Variants in GPC5 observed in about 807,000 individuals in gnomAD.
GPC5 encodes the protein glypican-5.
In GPC5, 47 loss-of-function variants were observed where a neutral mutation model predicts 53.9. The ratio of observed to expected loss-of-function variants is 0.87; its 90% CI spans 0.69 to 1.11. GPC5 has a LOEUF of 1.11. GPC5 is among the 50% of genes most tolerant of loss of function. The probability of loss-of-function intolerance (pLI) is 0.00; values close to 1 mark genes in which losing one functional copy is unlikely to be tolerated. For missense variants in GPC5, 748 were observed against 713.1 expected (o/e 1.05, Z -0.56); for synonymous variants, 286 against 263.3 (o/e 1.09, Z -0.84).
At chr13:91,771,446 A>C (rs2037623488) in intron 5 of GPC5, among the ~76,000 whole-genome samples, 1 of 152,216 alleles carries the variant, frequency 6.6e-6, no homozygotes, top group Admixed American at 6.5e-5. Flanking sequence ...CATCTATTTC[A>C]TCCATGTAAA....
chr13:92,589,362 G>A (rs946743126), intron 7 of GPC5, among the ~76,000 whole-genome samples: 4 of 152,094 alleles, frequency 2.6e-5, no homozygotes, highest in Non-Finnish European at 4.4e-5. Flanking sequence ...ATAGTGCTGC[G>A]ATTTTCTACT....
rs74382862 is a variant in GPC5 at position 91,555,601 on chromosome 13, G to A, written c.325+106679G>A. Among the ~76,000 whole-genome samples, 801 of 151,970 alleles carry A rather than the reference G, an allele frequency of 5.3e-3. 15 individuals carry two copies. Among genetic ancestry groups the A allele is most frequent in the African/African-American group, 0.018 (767 of 41,486 alleles). ...GCCTCTTAGCTCCCTTGGCCTTTGCGGGTAGGTTTGCATAGACCAGCTGTA... is the reference window on the plus strand; with the variant it reads ...GCCTCTTAGCTCCCTTGGCCTTTGCAGGTAGGTTTGCATAGACCAGCTGTA... On this transcript the variant is annotated intron_variant, in intron 2 of 7. Coordinates refer to ENST00000377067, the MANE Select transcript of GPC5 (RefSeq NM_004466.6).
chr13:92,505,956 A>T (rs1880351142), intron 7 of GPC5, among the ~76,000 whole-genome samples: 1 of 152,142 alleles, frequency 6.6e-6, no homozygotes, highest in African/African-American at 2.4e-5. Flanking sequence ...AGGATGTAGG[A>T]GTGAGAAGTA....
chr13:91,819,608 T>A (rs887740592), intron 5 of GPC5, among the ~76,000 whole-genome samples: 4 of 152,240 alleles, frequency 2.6e-5, no homozygotes, highest in African/African-American at 9.6e-5. Flanking sequence ...TCATTTTAAT[T>A]GCTGAATATT....
rs528135167 is a variant in GPC5, at chr13:92,818,419, G to A, written c.1562-47863G>A. On this transcript the variant is annotated intron_variant, in intron 7 of 7. Transcript: ENST00000377067. Reference sequence around the variant, plus strand: ...TTAAAACTAAAAGCCTTTAATCTAAGTAAAAAGAGGATAAGAAACAATGCT... The same window carrying A: ...TTAAAACTAAAAGCCTTTAATCTAAATAAAAAGAGGATAAGAAACAATGCT... Among the ~76,000 whole-genome samples, 141 of 151,974 alleles carry A rather than the reference G, an allele frequency of 9.3e-4. 2 individuals carry two copies. Among genetic ancestry groups the A allele is most frequent in the African/African-American group, 3.3e-3 (136 of 41,340 alleles).
In GPC5 at chr13:91,598,969, A is replaced by G. The variant is rs545742577; in HGVS notation, c.326-94218A>G. ...CTACTAGTATAAAGTATATAGTTTC[A>G]GTTATTTTGAAAAAGAAGTTCTACA... is the stretch of plus-strand genomic sequence containing the variant. On this transcript the variant is annotated intron_variant, in intron 2 of 7. Coordinates refer to ENST00000377067, the MANE Select transcript of GPC5 (RefSeq NM_004466.6). Among the ~76,000 whole-genome samples the G allele has an allele frequency of 2.0e-5, 3 of 152,224 alleles. No homozygotes were observed. The South Asian group carries it at 6.2e-4, about 32-fold the overall frequency.
chr13:92,077,232 G>A (rs2041258996), intron 6 of GPC5, among the ~76,000 whole-genome samples: 1 of 152,194 alleles, frequency 6.6e-6, no homozygotes, highest in African/African-American at 2.4e-5. Context: ...GACCTCCTGA[G>A]GGCTGTGTCA....
chr13:91,904,169 G>A (rs2039529773), intron 5 of GPC5, among the ~76,000 whole-genome samples: 1 of 132,372 alleles, frequency 7.6e-6, no homozygotes, highest in Non-Finnish European at 1.6e-5. Flanking sequence ...TTTAAGGCAG[G>A]TCTTGCTCTG....
At chr13:92,819,043 G>C (rs1424540873) in intron 7 of GPC5, among the ~76,000 whole-genome samples, 1 of 151,924 alleles carries the variant, frequency 6.6e-6, no homozygotes, top group South Asian at 2.1e-4. Context: ...CGTATAGAAA[G>C]TACCAGTGTT....
At chr13:92,047,886 GAGGCTA>G (rs1755846351) in intron 6 of GPC5, among the ~76,000 whole-genome samples, 1 of 151,660 alleles carries the variant, frequency 6.6e-6, no homozygotes, top group South Asian at 2.1e-4. Context: ...AGCTTCTAGG[GAGGCTA>G]AGGCAGTAGA....
intron 2 of GPC5, among the ~76,000 whole-genome samples, chr13:91,595,601 T>C (rs2139190388): frequency 6.6e-6 from 1 of 152,316 alleles, no homozygotes; most frequent in African/African-American, 2.4e-5. Flanking sequence ...CCCATTTTCT[T>C]CTGTATTGTA....
chr13:92,652,656 G>GTATCCTTCTTGCTAATTAGCA (rs1447273734), intron 7 of GPC5, among the ~76,000 whole-genome samples: 2 of 152,092 alleles, frequency 1.3e-5, no homozygotes, highest in Non-Finnish European at 2.9e-5. Flanking sequence ...CTAAAATGAG[G>GTATCCTTCTTGCTAATTAGCA]ACAGTATCCT....
intron 1 of GPC5, among the ~76,000 whole-genome samples, chr13:91,405,783 G>A (rs1877279488): frequency 6.6e-6 from 1 of 152,076 alleles, no homozygotes; most frequent in African/African-American, 2.4e-5. Context: ...GAAATTTTTT[G>A]TTGTTCAGAC....
rs555812305 is a variant in GPC5 at position 92,703,951 on chromosome 13, A to G, written c.1562-162331A>G. Reference sequence around the variant, plus strand: ...TTATTCTTTACCCATTATTTTGTTAAATACCGTTGTTCCATGAAAGAAATA... The same window carrying G: ...TTATTCTTTACCCATTATTTTGTTAGATACCGTTGTTCCATGAAAGAAATA... On this transcript the variant is annotated intron_variant, in intron 7 of 7. Transcript: ENST00000377067. 1.8e-3 allele frequency among the ~76,000 whole-genome samples: 271 copies of G among 152,090 alleles called. 3 individuals carry two copies. The highest frequency in any genetic ancestry group is 6.3e-3 in the African/African-American group (261 of 41,536).
At chr13:91,931,084 T>G (rs1480820538) in intron 6 of GPC5, among the ~76,000 whole-genome samples, 1 of 152,078 alleles carries the variant, frequency 6.6e-6, no homozygotes, top group African/African-American at 2.4e-5. Context: ...ATCCCTTTAA[T>G]CATGCCCCAT....
chr13:92,122,120 T>C (rs1263065735), intron 6 of GPC5, among the ~76,000 whole-genome samples: 4 of 152,114 alleles, frequency 2.6e-5, no homozygotes, highest in African/African-American at 9.7e-5. Flanking sequence ...GTTTTACAGA[T>C]GCAGATCAAG....
chr13:91,527,570 C>T (rs965955191), intron 2 of GPC5, among the ~76,000 whole-genome samples: 4 of 152,200 alleles, frequency 2.6e-5, no homozygotes, highest in African/African-American at 9.6e-5. Flanking sequence ...ATCTGCTATT[C>T]GGGCGTCTGG....
intron 7 of GPC5, among the ~76,000 whole-genome samples, chr13:92,254,712 C>T (rs1382802752): frequency 6.6e-6 from 1 of 152,170 alleles, no homozygotes. Context: ...GAAGCAAACA[C>T]ATCTTCCTTC....
intron 7 of GPC5, among the ~76,000 whole-genome samples, chr13:92,802,255 G>C (rs1029535361): frequency 6.6e-6 from 1 of 151,816 alleles, no homozygotes; most frequent in South Asian, 2.1e-4. Flanking sequence ...TGCAGGCTAG[G>C]AGCAATAGCC....
Sources: allele counts gnomAD v4.1 joint callset (sites outside exome capture counted in the v4.1 genomes callset), GRCh38; gene constraint gnomAD v4.1.1; transcripts MANE v1.5; gene names NCBI Gene and HGNC (gene_info 2026-07-23, HGNC 2026-07-21).